RPS6KA5: variants seen among roughly 807,000 people sequenced by gnomAD.
The protein encoded by RPS6KA5 is ribosomal protein S6 kinase alpha-5.
Under a neutral mutation model 85.5 loss-of-function variants are expected in RPS6KA5, and 27 were observed. That is an observed-to-expected ratio of 0.32 (90% CI 0.23 to 0.44). The LOEUF is 0.44. Ranked by LOEUF, RPS6KA5 falls within the 20% of genes least tolerant of loss-of-function variation. RPS6KA5 has a pLI of 1.00. For missense variants in RPS6KA5, 811 were observed against 980.9 expected (o/e 0.83, Z 2.31); for synonymous variants, 334 against 348.2 (o/e 0.96, Z 0.46).
intron 3 of RPS6KA5, among the ~76,000 whole-genome samples, chr14:90,959,759 T>C (rs916200053): frequency 2.0e-5 from 3 of 152,152 alleles, no homozygotes; most frequent in African/African-American, 7.2e-5. Flanking sequence ...GTAAACTGTT[T>C]GGGTATATGT....
chr14:90,929,606 A>G (rs1566753722), intron 5 of RPS6KA5, among the ~76,000 whole-genome samples: 1 of 152,200 alleles, frequency 6.6e-6, no homozygotes, highest in Non-Finnish European at 1.5e-5. Flanking sequence ...GACATAAAAA[A>G]CTAAATAAAT....
At chr14:90,950,047 A>AG (rs2038091561) in intron 3 of RPS6KA5, among the ~76,000 whole-genome samples, 1 of 152,218 alleles carries the variant, frequency 6.6e-6, no homozygotes, top group South Asian at 2.1e-4. Flanking sequence ...TGGTGAGCAT[A>AG]GCTGCCTTGA....
At chr14:90,935,905 C>T (rs1447197163) in intron 5 of RPS6KA5, among the ~76,000 whole-genome samples, 2 of 152,144 alleles carry the variant, frequency 1.3e-5, no homozygotes, top group Non-Finnish European at 2.9e-5. Flanking sequence ...ACATTATTTG[C>T]TTATAAATAT....
At chr14:90,912,811 A>G (rs2035898012) in intron 7 of RPS6KA5, among the ~76,000 whole-genome samples, 1 of 151,934 alleles carries the variant, frequency 6.6e-6, no homozygotes, top group Non-Finnish European at 1.5e-5. Flanking sequence ...GACTGCACTC[A>G]AAAGTCTCAC....
intron 7 of RPS6KA5, among the ~76,000 whole-genome samples, chr14:90,910,250 A>G (rs1400702910): frequency 2.0e-5 from 3 of 152,218 alleles, no homozygotes; most frequent in Non-Finnish European, 4.4e-5. Flanking sequence ...CAAATGAAAT[A>G]AAATTAAAAT....
chr14:91,021,926 T>C (rs765751424), intron 1 of RPS6KA5, among the ~76,000 whole-genome samples: 15 of 152,210 alleles, frequency 9.9e-5, no homozygotes, highest in Non-Finnish European at 1.9e-4. Flanking sequence ...GAAACCAAGA[T>C]CTGGGCATCA....
rs996659517 is a variant in RPS6KA5, at chr14:90,870,087, T to C, written c.*1987A>G. Reference sequence around the variant, plus strand: ...CAATCTGTATACTGTCTGACCATTTTTCTGGATCATTTTCTATTAGCAACA... The same window carrying C: ...CAATCTGTATACTGTCTGACCATTTCTCTGGATCATTTTCTATTAGCAACA... On this transcript the variant is annotated 3_prime_UTR_variant, in exon 17 of 17. Transcript: ENST00000614987. 5 of 152,224 alleles carry C rather than the reference T, an allele frequency of 3.3e-5. No individual in the cohort carries two copies. The highest frequency in any genetic ancestry group is 9.6e-5 in the African/African-American group (4 of 41,470). 9.4% of individuals were successfully genotyped at this position (152,224 alleles called of 1,614,324 possible).
At chr14:90,888,030 T>C (rs1437050958) in intron 14 of RPS6KA5, among the ~76,000 whole-genome samples, 1 of 151,946 alleles carries the variant, frequency 6.6e-6, no homozygotes, top group Non-Finnish European at 1.5e-5. Context: ...ACATTGTTTC[T>C]TATGTGTCTT....
chr14:90,880,850 G>A (rs943378957), intron 14 of RPS6KA5, among the ~76,000 whole-genome samples: 4 of 47,126 alleles, frequency 8.5e-5, no homozygotes, highest in Admixed American at 2.4e-4. Context: ...TTTTTTTTTT[G>A]TGAGACAAGG....
At chr14:90,905,989 C>T (rs2035477657) in intron 8 of RPS6KA5, among the ~76,000 whole-genome samples, 160 bp downstream of exon 8, 1 of 152,016 alleles carries the variant, frequency 6.6e-6, no homozygotes, top group African/African-American at 2.4e-5. Flanking sequence ...GAAAGGGTCC[C>T]TATCATTAAA....
rs181992915 is a variant in RPS6KA5, at chr14:90,985,489, G to A, written c.176-6965C>T. Among the ~76,000 whole-genome samples the A allele has an allele frequency of 9.8e-5, 15 of 152,328 alleles. No individual in the cohort carries two copies. The East Asian group carries it at 2.7e-3, about 27-fold the overall frequency. On this transcript the variant is annotated intron_variant, in intron 2 of 16. Transcript: ENST00000614987. ...GGACATGCTGTTCTCACTAGGACCT[G>A]AATGGCTCAACCAAGGTGAGAGCAA...
chr14:90,950,784 T>C (rs1216543584), intron 3 of RPS6KA5, among the ~76,000 whole-genome samples: 1 of 152,120 alleles, frequency 6.6e-6, no homozygotes, highest in Non-Finnish European at 1.5e-5. Context: ...TGGATTTGGT[T>C]TGATAGAAAG....
At chr14:91,023,022 T>C in intron 1 of RPS6KA5, among the ~76,000 whole-genome samples, 1 of 147,678 alleles carries the variant, frequency 6.8e-6, no homozygotes, top group South Asian at 2.1e-4. Flanking sequence ...GAGGCGGAGG[T>C]TGTAGTGAGG....
At chr14:90,998,374 T>C (rs1462691152) in intron 2 of RPS6KA5, among the ~76,000 whole-genome samples, 1 of 152,234 alleles carries the variant, frequency 6.6e-6, no homozygotes, top group Non-Finnish European at 1.5e-5. Context: ...ACGTGAGTTA[T>C]ATCTCAATAA....
At chr14:90,897,533 A>G (rs2034907599) in intron 12 of RPS6KA5, among the ~76,000 whole-genome samples, 1 of 152,238 alleles carries the variant, frequency 6.6e-6, no homozygotes. Context: ...TACAGGGATG[A>G]TCTAGGCAAC....
At chr14:91,046,486 C>G (rs561344496) in intron 1 of RPS6KA5, among the ~76,000 whole-genome samples, 18 of 152,298 alleles carry the variant, frequency 1.2e-4, no homozygotes, top group Middle Eastern at 3.4e-3. Flanking sequence ...CGCTAAGACT[C>G]TGTTCATGCT....
intron 1 of RPS6KA5, among the ~76,000 whole-genome samples, chr14:91,007,565 A>G (rs1227476680): frequency 6.6e-6 from 1 of 152,194 alleles, no homozygotes; most frequent in East Asian, 1.9e-4. Flanking sequence ...AGAGGTGTAA[A>G]TAGTTTTAAT....
At chr14:91,050,457 C>A (rs2043030691) in intron 1 of RPS6KA5, among the ~76,000 whole-genome samples, 1 of 152,224 alleles carries the variant, frequency 6.6e-6, no homozygotes, top group South Asian at 2.1e-4. Context: ...TTGGCACAGT[C>A]TGACTCTGTC....
intron 1 of RPS6KA5, among the ~76,000 whole-genome samples, chr14:91,040,621 T>C (rs1201230389): frequency 6.6e-6 from 1 of 152,036 alleles, no homozygotes; most frequent in African/African-American, 2.4e-5. Flanking sequence ...GTTCAAGCAA[T>C]GATAACATTT....
Sources: gnomAD v4.1 joint callset for allele counts (sites outside exome capture counted in the v4.1 genomes callset) on GRCh38, gnomAD v4.1.1 for gene constraint, MANE v1.5 for transcripts, NCBI Gene and HGNC (gene_info 2026-07-23, HGNC 2026-07-21) for gene names.